The following CAMTA1 variants were observed in gnomAD, a reference collection of about 807,000 sequenced individuals.
The protein encoded by CAMTA1 is calmodulin-binding transcription activator 1.
In CAMTA1, 27 loss-of-function variants were observed where a neutral mutation model predicts 170.9. That is an observed-to-expected ratio of 0.16 (90% CI 0.12 to 0.22). The LOEUF is 0.22. Among genes scored for constraint, CAMTA1 ranks in the 10% least tolerant of loss-of-function variants. The probability of loss-of-function intolerance (pLI) is 1.00; values close to 1 mark genes in which losing one functional copy is unlikely to be tolerated. For missense variants in CAMTA1, 1,619 were observed against 2,217.2 expected (o/e 0.73, Z 5.42); for synonymous variants, 833 against 891.5 (o/e 0.93, Z 1.17).
chr1:7,628,559 C>T (rs529327445), intron 6 of CAMTA1, among the ~76,000 whole-genome samples: 1 of 152,252 alleles, frequency 6.6e-6, no homozygotes, highest in Non-Finnish European at 1.5e-5. Context: ...GTGGCACATG[C>T]CCAACTTCCT....
chr1:7,137,665 A>G (rs1209570989), intron 4 of CAMTA1, among the ~76,000 whole-genome samples: 3 of 152,060 alleles, frequency 2.0e-5, no homozygotes. Context: ...CCTGCCTCGG[A>G]GCTTTGGCAC....
intron 7 of CAMTA1, among the ~76,000 whole-genome samples, chr1:7,646,545 G>A (rs1389317200): frequency 6.6e-6 from 1 of 151,340 alleles, no homozygotes; most frequent in African/African-American, 2.4e-5. Flanking sequence ...CTGTGAAGGT[G>A]GAGGCTGTGG....
intron 5 of CAMTA1, among the ~76,000 whole-genome samples, chr1:7,386,516 C>G (rs1557631938): frequency 6.6e-6 from 1 of 152,176 alleles, no homozygotes; most frequent in Non-Finnish European, 1.5e-5. Context: ...TCATCTCCCA[C>G]CCCACGGTGG....
At chr1:6,811,718 C>A (rs552127752) in intron 1 of CAMTA1, among the ~76,000 whole-genome samples, 5 of 152,292 alleles carry the variant, frequency 3.3e-5, no homozygotes, top group African/African-American at 1.2e-4. Context: ...GCATGGACTT[C>A]GTAAAATTCA....
rs1313246962 is a variant in CAMTA1 at position 7,681,886 on chromosome 1, C to T, written c.2914+4153C>T. ...GGGACACCTTTAAGTGACCTGGGTC[C>T]CTAGAAGAGAAGGTGAGCGGAATTT... On this transcript the variant is annotated intron_variant, in intron 11 of 22. Transcript: ENST00000303635. The surrounding 1 kb of genome is among the most constrained non-coding windows in gnomAD (Gnocchi z 4.6). 6.6e-6 allele frequency among the ~76,000 whole-genome samples: 1 copy of T among 152,072 alleles called. No homozygotes were observed. The highest frequency in any genetic ancestry group is 6.5e-5 in the Admixed American group (1 of 15,278).
intron 5 of CAMTA1, among the ~76,000 whole-genome samples, chr1:7,322,218 G>A (rs189346087): frequency 8.4e-4 from 128 of 152,250 alleles, no homozygotes; most frequent in African/African-American, 3.0e-3. Context: ...CTACTTGATC[G>A]GTTAGATCCT....
chr1:7,747,027 TAA>T (rs1394792965), intron 18 of CAMTA1, among the ~76,000 whole-genome samples: 1 of 152,230 alleles, frequency 6.6e-6, no homozygotes, highest in Non-Finnish European at 1.5e-5. Flanking sequence ...AATTTTTAAT[TAA>T]AGTTATTAAT....
chr1:7,756,895 A>ATCAAAAT (rs992240128), intron 22 of CAMTA1, among the ~76,000 whole-genome samples: 45 of 152,202 alleles, frequency 3.0e-4, no homozygotes, highest in African/African-American at 1.1e-3. Flanking sequence ...AATAGAATTC[A>ATCAAAAT]TCAAAATTTA....
rs981833413 is a variant in CAMTA1, at chr1:7,748,208, G to A, written c.4689+427G>A. On this transcript the variant is annotated intron_variant, in intron 19 of 22. Transcript: ENST00000303635. This position sits in a 1 kb window ranked among gnomAD's most constrained non-coding sequence, Gnocchi z 4.7. ...ATTACAAGCATGAGCCGCAGCGCCC[G>A]GCCAGAGACTTAATTTGAACTGCCA... 4.6e-5 allele frequency among the ~76,000 whole-genome samples: 7 copies of A among 152,032 alleles called. No individual in the cohort carries two copies. The East Asian group carries it at 5.8e-4, about 13-fold the overall frequency.
intron 1 of CAMTA1, among the ~76,000 whole-genome samples, chr1:6,803,746 A>T (rs1450695090): frequency 6.6e-6 from 1 of 152,064 alleles, no homozygotes; most frequent in East Asian, 1.9e-4. Context: ...AGATGGTCTC[A>T]CTCTGTCATC....
In CAMTA1 at chr1:7,014,822, C is replaced by T. The variant is rs1000388161; in HGVS notation, c.235-76482C>T. ...TCAGACCCTGCAGCATGTCGGGGGC[C>T]GGGTGGGGGAGCGGGTGGTGGCATC... is the stretch of plus-strand genomic sequence containing the variant. On this transcript the variant is annotated intron_variant, in intron 3 of 22. Transcript: ENST00000303635. The surrounding 1 kb of genome is among the most constrained non-coding windows in gnomAD (Gnocchi z 4.2). Among the ~76,000 whole-genome samples the T allele has an allele frequency of 7.2e-5, 11 of 151,754 alleles. No individual in the cohort carries two copies. Among genetic ancestry groups the T allele is most frequent in the African/African-American group, 1.2e-4 (5 of 41,278 alleles).
At chr1:6,959,399 A>G (rs1170345398) in intron 3 of CAMTA1, among the ~76,000 whole-genome samples, 1 of 152,184 alleles carries the variant, frequency 6.6e-6, no homozygotes, top group Non-Finnish European at 1.5e-5. Context: ...GCTTACCACT[A>G]AGCTGAGCTG....
intron 5 of CAMTA1, among the ~76,000 whole-genome samples, chr1:7,310,734 C>CT (rs1553129645): frequency 1.2e-5 from 1 of 85,798 alleles, no homozygotes; most frequent in Non-Finnish European, 2.4e-5. Flanking sequence ...TTCTTTCTTT[C>CT]TTTCTTTCTT....
chr1:7,762,344 T>G (rs1418739329), intron 22 of CAMTA1, among the ~76,000 whole-genome samples: 1 of 152,234 alleles, frequency 6.6e-6, no homozygotes, highest in African/African-American at 2.4e-5. Flanking sequence ...TTCATGTCCT[T>G]AACTAATAAC....
intron 5 of CAMTA1, among the ~76,000 whole-genome samples, chr1:7,411,841 T>C (rs554386859): frequency 6.6e-6 from 1 of 152,052 alleles, no homozygotes; most frequent in South Asian, 2.1e-4. Context: ...ATGGGCCATG[T>C]TGGTGTACTG....
chr1:6,896,371 T>C (rs1212024669), intron 3 of CAMTA1, among the ~76,000 whole-genome samples: 1 of 152,174 alleles, frequency 6.6e-6, no homozygotes, highest in Non-Finnish European at 1.5e-5. Context: ...ATGGCACTGC[T>C]TGCCTTTGCT....
intron 1 of CAMTA1, among the ~76,000 whole-genome samples, chr1:6,796,733 C>T (rs1329309834): frequency 6.6e-6 from 1 of 152,104 alleles, no homozygotes; most frequent in Admixed American, 6.6e-5. Context: ...CCGGTTTCTC[C>T]TCTAGGGAGG....
intron 3 of CAMTA1, among the ~76,000 whole-genome samples, chr1:6,846,577 CG>C (rs1181934199): frequency 1.3e-5 from 2 of 152,172 alleles, no homozygotes; most frequent in Non-Finnish European, 2.9e-5. Flanking sequence ...GCTGTAGTTA[CG>C]AAGACTTCTA....
At chr1:7,657,685 C>T (rs1469772907) in intron 7 of CAMTA1, among the ~76,000 whole-genome samples, 1 of 152,148 alleles carries the variant, frequency 6.6e-6, no homozygotes. Flanking sequence ...CAGAGCATGA[C>T]ATGTTAAAAG....
Sources: allele counts gnomAD v4.1 joint callset (sites outside exome capture counted in the v4.1 genomes callset), GRCh38; gene constraint gnomAD v4.1.1; non-coding constraint Gnocchi (gnomAD v3.1); transcripts MANE v1.5; gene names NCBI Gene and HGNC (gene_info 2026-07-23, HGNC 2026-07-21).